Variants in LRP4 observed in about 807,000 individuals in gnomAD.
The protein encoded by LRP4 is low-density lipoprotein receptor-related protein 4.
A neutral mutation model predicts 220.3 loss-of-function variants in LRP4; 95 were observed. The observed-to-expected ratio is 0.43, with a 90% confidence interval of 0.37 to 0.51. The LOEUF is 0.51. LRP4 is among the 20% of genes least tolerant of loss of function. LRP4 has a pLI of 0.00. For missense variants in LRP4, 1,925 were observed against 2,567.0 expected, an observed-to-expected ratio of 0.75 and a Z score of 5.40; for synonymous variants, 903 against 954.6, an observed-to-expected ratio of 0.95 and a Z score of 1.00.
At position 46,875,463 on chromosome 11, in the gene LRP4, C is replaced by T. The variant is rs745985946; in HGVS notation, c.3918G>A (p.Gln1306=). The change falls in exon 27 of 38, where the codon CAG becomes CAA. Residue 1306 remains glutamine, a synonymous_variant. Transcript: ENST00000378623. The surrounding 1 kb of genome is among the most constrained non-coding windows in gnomAD (Gnocchi z 4.5). ...LMDMQAVDRA[Q]PLGFNKCGSR... ...CAGCCCTCTGACTCTCACCTAGTGG[C>T]TGTGCCCGGTCCACAGCCTGCATGT... 5.0e-6 allele frequency: 8 copies of T among 1,613,838 alleles called. No homozygotes were observed. In the South Asian group the frequency reaches 8.8e-5, roughly 18 times the overall value.
chr11:46,900,474 C>CA, intron 2 of LRP4, 96 bp from the exon 3 acceptor site: 2 of 807,366 alleles, frequency 2.5e-6, no homozygotes, highest in Non-Finnish European at 4.3e-6. Flanking sequence ...ATCCCCTTGT[C>CA]TTTTTTTCTT....
At chr11:46,893,495 T>G (rs956424816) in intron 12 of LRP4, among the ~76,000 whole-genome samples, 4 of 152,202 alleles carry the variant, frequency 2.6e-5, no homozygotes, top group Non-Finnish European at 5.9e-5. Flanking sequence ...TTTCAGAAAT[T>G]CCCTAGGCAT....
At chr11:46,882,298 A>C (rs1941179797) in intron 19 of LRP4, among the ~76,000 whole-genome samples, 2 of 151,900 alleles carry the variant, frequency 1.3e-5, no homozygotes, top group African/African-American at 4.8e-5. Flanking sequence ...CCTGGGCAAC[A>C]TAGTAGGATC....
intron 1 of LRP4, among the ~76,000 whole-genome samples, chr11:46,913,129 T>C (rs1461608238): frequency 6.6e-6 from 1 of 151,992 alleles, no homozygotes; most frequent in East Asian, 1.9e-4. Context: ...GGAAACAGGG[T>C]GTCAGGGAGC....
At position 46,895,243 on chromosome 11, in the gene LRP4, T is replaced by C. The variant is rs766573861; in HGVS notation, c.1232A>G (p.Asn411Ser). 3 of 1,614,090 alleles carry C rather than the reference T, an allele frequency of 1.9e-6. No homozygotes were observed. Among genetic ancestry groups the C allele is most frequent in the Non-Finnish European group, 2.5e-6 (3 of 1,180,022 alleles). ...CCAGCATTGGAAAGCCCCTTCGCTG[T>C]TGGTGCAGCCCTGGCTGCAATACCC... ...EEGYCSQGCTNSEGAFQCWCE... is the reference protein window; with the variant it reads ...EEGYCSQGCTSSEGAFQCWCE... Residue 411 changes from asparagine (N) to serine (S), a missense_variant, in exon 11 of 38, where the codon AAC (asparagine) becomes AGC (serine). Physicochemically the swap from Asn to Ser is conservative, Grantham distance 46. Around this residue, in one of 3 missense-constraint regions of LRP4, gnomAD observed 269 missense variants for 436.7 expected, o/e 0.62. Coordinates refer to ENST00000378623, the MANE Select transcript of LRP4 (RefSeq NM_002334.4).
chr11:46,897,128 CTT>C, intron 7 of LRP4, 134 bp from the exon 8 acceptor site: 2 of 1,167,276 alleles, frequency 1.7e-6, no homozygotes, highest in East Asian at 2.4e-5. Flanking sequence ...TATATAGTGT[CTT>C]TGTGTGAATC....
Position 46,875,725 on chromosome 11 carries a change from G to A in LRP4, c.3700-44C>T. On this transcript the variant is annotated intron_variant, in intron 26 of 37. Transcript: ENST00000378623. This position sits in a 1 kb window ranked among gnomAD's most constrained non-coding sequence, Gnocchi z 4.5. Reference sequence around the variant, plus strand: ...GTGGGGGGTGGTGATCAGCAGATTGGGAACTCTCCATGGAGATCCTAGGCA... The same window carrying A: ...GTGGGGGGTGGTGATCAGCAGATTGAGAACTCTCCATGGAGATCCTAGGCA... The A allele has an allele frequency of 6.2e-7, 1 of 1,612,418 alleles. No homozygotes were observed. Among genetic ancestry groups the A allele is most frequent in the Non-Finnish European group, 8.5e-7 (1 of 1,178,592 alleles).
At position 46,895,755 on chromosome 11, in the gene LRP4, C is replaced by T. The variant is rs528962142; in HGVS notation, c.1183+129G>A. 36 of 1,323,756 alleles carry T rather than the reference C, an allele frequency of 2.7e-5. No individual in the cohort carries two copies. The East Asian group carries it at 3.0e-4, about 11-fold the overall frequency. 82.0% of individuals were successfully genotyped at this position (1,323,756 alleles called of 1,614,324 possible). ...GTGAAATGGGAAGGATGATCCCCAC[C>T]TCCTAGGGTTATTGTGAGGACGAAA... On this transcript the variant is annotated intron_variant, in intron 10 of 37. Coordinates refer to ENST00000378623, the MANE Select transcript of LRP4 (RefSeq NM_002334.4).
At chr11:46,891,611 T>C (rs1180528221) in intron 13 of LRP4, among the ~76,000 whole-genome samples, 1 of 152,028 alleles carries the variant, frequency 6.6e-6, no homozygotes, top group Non-Finnish European at 1.5e-5. Flanking sequence ...TAATTCAGAT[T>C]TCTGAATTTT....
At chr11:46,872,466 G>A (rs1940896067) in intron 30 of LRP4, among the ~76,000 whole-genome samples, 2 of 152,072 alleles carry the variant, frequency 1.3e-5, no homozygotes, top group South Asian at 2.1e-4. Context: ...AGCCTGGGTC[G>A]GGCGTGGTGG....
Position 46,858,910 on chromosome 11 carries a change from G to A in LRP4, c.*73C>T. The A allele has an allele frequency of 7.1e-7, 1 of 1,416,302 alleles. No homozygotes were observed. The highest frequency in any genetic ancestry group is 1.2e-5 in the South Asian group (1 of 86,686). The allele number at this position is 1,416,302 out of a possible 1,614,324, so 87.7% of individuals were successfully genotyped here. ...CAAGCACACAGAAGCGGGGCCTGCG[G>A]TGTAAGCGAGCACAAGGACTAGACG... On this transcript the variant is annotated 3_prime_UTR_variant, in exon 38 of 38. Coordinates refer to ENST00000378623, the MANE Select transcript of LRP4 (RefSeq NM_002334.4).
chr11:46,884,645 G>A (rs868052216), intron 18 of LRP4, among the ~76,000 whole-genome samples: 10 of 151,286 alleles, frequency 6.6e-5, no homozygotes, highest in South Asian at 4.2e-4. Context: ...GCTGAGGCAG[G>A]AGAATGGCGT....
Position 46,875,947 on chromosome 11 carries a change from A to AG in LRP4, c.3555dup (p.Trp1186LeufsTer51), listed in dbSNP as rs751666413. The AG allele has an allele frequency of 6.2e-7, 1 of 1,614,176 alleles. No individual in the cohort carries two copies. Among genetic ancestry groups the AG allele is most frequent in the South Asian group, 1.1e-5 (1 of 91,082 alleles). On this transcript the variant is annotated frameshift_variant, in exon 26 of 38. Coordinates refer to ENST00000378623, the MANE Select transcript of LRP4 (RefSeq NM_002334.4). LOFTEE classifies it high-confidence loss of function. The surrounding 1 kb of genome is among the most constrained non-coding windows in gnomAD (Gnocchi z 4.5). ...CGCTCTAACTTGGCATTCTCCCCCCAGTCTGTCCAGTACATAAACCTGAGT... is the reference window on the plus strand; with the variant it reads ...CGCTCTAACTTGGCATTCTCCCCCCAGGTCTGTCCAGTACATAAACCTGAGT...
In LRP4 at chr11:46,857,586, C is replaced by CCAGCAA. The variant is rs1283760535; in HGVS notation, c.*1396_*1397insTTGCTG. ...TTTATTCAGCCCTCCCACCACAGGACTTTGGAGATTGCTGGTGCCACAAGG... is the reference window on the plus strand; with the variant it reads ...TTTATTCAGCCCTCCCACCACAGGACCAGCAATTTGGAGATTGCTGGTGCCACAAGG... On this transcript the variant is annotated 3_prime_UTR_variant, in exon 38 of 38. Coordinates refer to ENST00000378623, the MANE Select transcript of LRP4 (RefSeq NM_002334.4). The CCAGCAA allele has an allele frequency of 1.1e-3, 167 of 152,316 alleles. 1 individual carries two copies. The highest frequency in any genetic ancestry group is 4.0e-3 in the African/African-American group (166 of 41,538). The allele number at this position is 152,316 out of a possible 1,614,324, so 9.4% of individuals were successfully genotyped here.
At chr11:46,906,301 C>G (rs1941758311) in intron 1 of LRP4, among the ~76,000 whole-genome samples, 1 of 151,958 alleles carries the variant, frequency 6.6e-6, no homozygotes, top group East Asian at 1.9e-4. Context: ...ACTAAAAATA[C>G]AAAAATTAGC....
At position 46,858,688 on chromosome 11, in the gene LRP4, T is replaced by C. The variant is rs1229049927; in HGVS notation, c.*295A>G. 4.6e-6 allele frequency: 2 copies of C among 435,918 alleles called. No individual in the cohort carries two copies. The highest frequency in any genetic ancestry group is 1.0e-4 in the East Asian group (2 of 19,742). The allele number at this position is 435,918 out of a possible 1,614,324, so 27.0% of individuals were successfully genotyped here. A position where few individuals can be genotyped will look rare whatever the true frequency, so the allele number is the denominator to read the frequency against. On this transcript the variant is annotated 3_prime_UTR_variant, in exon 38 of 38. Coordinates refer to ENST00000378623, the MANE Select transcript of LRP4 (RefSeq NM_002334.4). ...ACTGGGGAAAGGGGAGGTGGAGCTCTACGCTGGTGAGGAATCACGAATAAG... is the reference window on the plus strand; with the variant it reads ...ACTGGGGAAAGGGGAGGTGGAGCTCCACGCTGGTGAGGAATCACGAATAAG...
intron 1 of LRP4, 103 bp from the exon 2 acceptor site, chr11:46,903,032 GGA>G: frequency 7.1e-7 from 1 of 1,401,268 alleles, no homozygotes; most frequent in Non-Finnish European, 1.0e-6. Context: ...ACTGTCACCT[GGA>G]GAGTCACAGT....
chr11:46,898,943 C>G lies in LRP4; in HGVS notation c.637G>C (p.Asp213His). Residue 213 changes from aspartate (D) to histidine (H), a missense_variant, in exon 6 of 38, where the codon GAC becomes CAC. Transcript: ENST00000378623. Reference protein sequence around the residue: ...CILDIYHCDGDDDCGDWSDES... With the variant: ...CILDIYHCDGHDDCGDWSDES... ...TCTGACCAGTCTCCACAGTCATCGT[C>G]GCCATCGCAGTGGTAGATGTCGAGG... 1.2e-6 allele frequency: 2 copies of G among 1,613,888 alleles called. No homozygotes were observed. The highest frequency in any genetic ancestry group is 1.7e-6 in the Non-Finnish European group (2 of 1,180,024).
rs374970927 is a variant in LRP4 at position 46,869,777 on chromosome 11, GA to G, written c.4693-646del. Among the ~76,000 whole-genome samples, 148 of 150,466 alleles carry G rather than the reference GA, an allele frequency of 9.8e-4. No individual in the cohort carries two copies. In the East Asian group the frequency reaches 0.019, roughly 19 times the overall value. ...CCCTGTAGTTTTACATTTAGAATAT[GA>G]AAAAAAAAGACTATCATTAAGTAAA... On this transcript the variant is annotated intron_variant, in intron 31 of 37. Coordinates refer to ENST00000378623, the MANE Select transcript of LRP4 (RefSeq NM_002334.4).
Sources: allele counts gnomAD v4.1 joint callset (sites outside exome capture counted in the v4.1 genomes callset), GRCh38; gene constraint gnomAD v4.1.1; regional missense constraint gnomAD v4.1.1; non-coding constraint Gnocchi (gnomAD v3.1); transcripts MANE v1.5; gene names NCBI Gene and HGNC (gene_info 2026-07-23, HGNC 2026-07-21).